Variants in RBFOX1 observed in about 807,000 individuals in gnomAD.
RBFOX1 encodes the protein RNA binding protein fox-1 homolog 1.
RBFOX1 carries 8 observed loss-of-function variants against 57.7 expected under a neutral mutation model. That is an observed-to-expected ratio of 0.14 (90% CI 0.08 to 0.25). RBFOX1 has a LOEUF of 0.25. Ranked by LOEUF, RBFOX1 falls within the 10% of genes least tolerant of loss-of-function variation. The pLI, the probability that RBFOX1 is intolerant of heterozygous loss-of-function variation, is 1.00. For missense variants in RBFOX1, 611 were observed against 548.5 expected (o/e 1.11, Z -1.14); for synonymous variants, 326 against 222.4 (o/e 1.47, Z -4.15).
intron 4 of RBFOX1, among the ~76,000 whole-genome samples, chr16:5,917,357 G>A (rs2058728517): frequency 6.6e-6 from 1 of 152,202 alleles, no homozygotes; most frequent in Non-Finnish European, 1.5e-5. Flanking sequence ...AGCACTTTAT[G>A]TGCATCTTAC....
At chr16:5,635,684 A>T (rs576375707) in intron 3 of RBFOX1, among the ~76,000 whole-genome samples, 1 of 152,316 alleles carries the variant, frequency 6.6e-6, no homozygotes, top group Non-Finnish European at 1.5e-5. Flanking sequence ...GAGAGACTGT[A>T]ACTTGGCTAA....
chr16:5,889,865 C>A (rs1324513819), intron 4 of RBFOX1, among the ~76,000 whole-genome samples: 1 of 152,176 alleles, frequency 6.6e-6, no homozygotes, highest in Non-Finnish European at 1.5e-5. Context: ...TGAATTCACC[C>A]CAGAATGGCT....
At chr16:6,955,846 T>A (rs997491275) in intron 3 of RBFOX1, among the ~76,000 whole-genome samples, 1 of 152,002 alleles carries the variant, frequency 6.6e-6, no homozygotes, top group Non-Finnish European at 1.5e-5. Context: ...GCTGGGATTA[T>A]AGATGCATGC....
chr16:6,702,974 A>G (rs745467438), intron 3 of RBFOX1, among the ~76,000 whole-genome samples: 15 of 152,050 alleles, frequency 9.9e-5, no homozygotes, highest in Non-Finnish European at 2.1e-4. Context: ...TTCTGTCCCT[A>G]TGGATTCGAT....
chr16:6,134,410 C>T (rs75507074), intron 1 of RBFOX1, among the ~76,000 whole-genome samples: 1 of 152,252 alleles, frequency 6.6e-6, no homozygotes, highest in Non-Finnish European at 1.5e-5. Context: ...GATGGATATC[C>T]ACTCAACAAA....
chr16:6,901,141 C>T (rs190154427), intron 3 of RBFOX1, among the ~76,000 whole-genome samples: 34 of 152,270 alleles, frequency 2.2e-4, no homozygotes, highest in Non-Finnish European at 4.4e-4. Context: ...TCCTGTTAGA[C>T]TGTCTCTTTC....
chr16:6,284,863 C>G (rs1038177816), intron 1 of RBFOX1, among the ~76,000 whole-genome samples: 4 of 152,072 alleles, frequency 2.6e-5, no homozygotes, highest in African/African-American at 4.8e-5. Context: ...CATTGTTCTT[C>G]TCATTAAAGG....
chr16:7,395,714 A>C (rs536961759), intron 4 of RBFOX1, among the ~76,000 whole-genome samples: 1 of 152,358 alleles, frequency 6.6e-6, no homozygotes, highest in South Asian at 2.1e-4. Context: ...TGCTCTATGA[A>C]TATGTCCAAG....
At chr16:7,028,603 C>T (rs1006483800) in intron 3 of RBFOX1, among the ~76,000 whole-genome samples, 4 of 32,618 alleles carry the variant, frequency 1.2e-4, no homozygotes, top group South Asian at 2.8e-3. Flanking sequence ...CACACACACA[C>T]ACACACAAAA....
At chr16:5,492,600 C>G (rs1391699639) in intron 2 of RBFOX1, among the ~76,000 whole-genome samples, 1 of 152,142 alleles carries the variant, frequency 6.6e-6, no homozygotes, top group Non-Finnish European at 1.5e-5. Flanking sequence ...GGTCCTGTGG[C>G]CAGAAGGACT....
chr16:7,479,796 C>T (rs2063511482), intron 4 of RBFOX1, among the ~76,000 whole-genome samples: 1 of 152,244 alleles, frequency 6.6e-6, no homozygotes, highest in African/African-American at 2.4e-5. Flanking sequence ...CCCAGCATGT[C>T]GAATTTGTAA....
At chr16:6,566,220 G>A (rs1201301932) in intron 2 of RBFOX1, among the ~76,000 whole-genome samples, 1 of 152,102 alleles carries the variant, frequency 6.6e-6, no homozygotes, top group African/African-American at 2.4e-5. Flanking sequence ...ATAATTTTTT[G>A]GTGAAAAGCA....
intron 10 of RBFOX1, among the ~76,000 whole-genome samples, chr16:7,622,119 G>A (rs1447202839): frequency 6.6e-6 from 1 of 152,148 alleles, no homozygotes; most frequent in South Asian, 2.1e-4. Flanking sequence ...TTGGCCAAAA[G>A]TCTGTAGTTG....
At chr16:5,302,949 C>T (rs928767743) in intron 1 of RBFOX1, among the ~76,000 whole-genome samples, 4 of 152,176 alleles carry the variant, frequency 2.6e-5, no homozygotes, top group African/African-American at 4.8e-5. Flanking sequence ...TGGATATGGT[C>T]AGGTTTAAGT....
chr16:6,131,977 G>C lies in RBFOX1; in HGVS notation c.-127+111985G>C, dbSNP rs111771390. Among the ~76,000 whole-genome samples, 162 of 152,322 alleles carry C rather than the reference G, an allele frequency of 1.1e-3. 1 individual carries two copies. The highest frequency in any genetic ancestry group is 3.7e-3 in the African/African-American group (152 of 41,578). ...CTTTGCTTAAAACTGATCTGCCTTC[G>C]TGATGATTTGAGCTTGCTCTTTAAT... On this transcript the variant is annotated intron_variant, in intron 1 of 15. Coordinates refer to ENST00000550418, the MANE Select transcript of RBFOX1 (RefSeq NM_018723.4).
chr16:6,493,141 A>G (rs746549231), intron 2 of RBFOX1, among the ~76,000 whole-genome samples: 18 of 152,220 alleles, frequency 1.2e-4, no homozygotes, highest in Non-Finnish European at 2.2e-4. Flanking sequence ...AGGTCAGCTT[A>G]GATACCAACA....
chr16:5,674,604 A>T (rs1354111903), intron 3 of RBFOX1, among the ~76,000 whole-genome samples: 2 of 152,236 alleles, frequency 1.3e-5, no homozygotes, highest in Admixed American at 6.5e-5. Flanking sequence ...CATCTCATAG[A>T]ACATAGTATT....
At chr16:6,485,102 G>T (rs62016815) in intron 2 of RBFOX1, among the ~76,000 whole-genome samples, 27,008 of 152,152 alleles carry the variant, frequency 0.18, 2,450 homozygotes, top group Middle Eastern at 0.22. Flanking sequence ...GACTAAGTTT[G>T]AAGAGGGTTG....
chr16:7,045,084 C>T (rs1317624178), intron 3 of RBFOX1, among the ~76,000 whole-genome samples: 1 of 152,122 alleles, frequency 6.6e-6, no homozygotes, highest in Non-Finnish European at 1.5e-5. Flanking sequence ...AAGCATGGAT[C>T]TGCATTCGAT....
Sources: allele counts gnomAD v4.1 joint callset (sites outside exome capture counted in the v4.1 genomes callset), GRCh38; gene constraint gnomAD v4.1.1; transcripts MANE v1.5; gene names NCBI Gene and HGNC (gene_info 2026-07-23, HGNC 2026-07-21).